KCNN3: variants seen among roughly 807,000 people sequenced by gnomAD.
KCNN3 encodes small conductance calcium-activated potassium channel protein 3.
Under a neutral mutation model 62.9 loss-of-function variants are expected in KCNN3, and 16 were observed. The ratio of observed to expected loss-of-function variants is 0.25; its 90% CI spans 0.17 to 0.39. KCNN3 has a LOEUF of 0.39. KCNN3 is among the 10% of genes least tolerant of loss of function. The pLI is 1.00. For missense variants in KCNN3, 599 were observed against 949.4 expected, an observed-to-expected ratio of 0.63 and a Z score of 4.85; for synonymous variants, 370 against 389.2, an observed-to-expected ratio of 0.95 and a Z score of 0.58.
intron 5 of KCNN3, among the ~76,000 whole-genome samples, chr1:154,718,206 C>T (rs1008062957): frequency 2.6e-5 from 4 of 152,178 alleles, no homozygotes; most frequent in African/African-American, 9.7e-5. Context: ...GAATGGAAGT[C>T]CAGCTGTCCT....
intron 5 of KCNN3, among the ~76,000 whole-genome samples, chr1:154,720,996 A>G (rs1411250677): frequency 6.6e-6 from 1 of 152,264 alleles, no homozygotes; most frequent in Admixed American, 6.5e-5. Context: ...GTCTGGAAGA[A>G]CACGATGTCA....
At chr1:154,733,685 G>C (rs1012059296) in intron 3 of KCNN3, among the ~76,000 whole-genome samples, 1 of 152,172 alleles carries the variant, frequency 6.6e-6, no homozygotes, top group Non-Finnish European at 1.5e-5. Context: ...TCTAGAGGGG[G>C]CTCTGGGGTG....
intron 2 of KCNN3, among the ~76,000 whole-genome samples, chr1:154,791,111 C>T (rs2101862579): frequency 6.6e-6 from 1 of 151,864 alleles, no homozygotes; most frequent in South Asian, 2.1e-4. Flanking sequence ...TGTCTGTAAT[C>T]CCAGCTACTA....
intron 5 of KCNN3, among the ~76,000 whole-genome samples, chr1:154,715,837 A>T (rs2101768171): frequency 6.6e-6 from 1 of 152,172 alleles, no homozygotes; most frequent in East Asian, 1.9e-4. Context: ...GAGTAAACAG[A>T]TTTCCTATCA....
chr1:154,854,010 C>A (rs79449262), intron 1 of KCNN3, among the ~76,000 whole-genome samples: 2 of 151,886 alleles, frequency 1.3e-5, no homozygotes, highest in Non-Finnish European at 2.9e-5. Flanking sequence ...CCAAGGCAGG[C>A]AGATCATGAG....
chr1:154,796,536 A>AT (rs1391384406), intron 2 of KCNN3, among the ~76,000 whole-genome samples: 1 of 152,194 alleles, frequency 6.6e-6, no homozygotes, highest in Non-Finnish European at 1.5e-5. Context: ...TAAAAAAAAA[A>AT]TTTAGGTGCA....
intron 2 of KCNN3, among the ~76,000 whole-genome samples, chr1:154,800,888 T>TACAAAGA (rs61192602): frequency 0.43 from 65,769 of 151,198 alleles, 15,741 homozygotes; most frequent in East Asian, 0.71. Flanking sequence ...CTACAAAAAA[T>TACAAAGA]ACAAAGATTA....
At chr1:154,840,336 C>T (rs1001803293) in intron 1 of KCNN3, among the ~76,000 whole-genome samples, 2 of 152,084 alleles carry the variant, frequency 1.3e-5, no homozygotes, top group Non-Finnish European at 1.5e-5. Flanking sequence ...AAAGCATTTG[C>T]AAAGGTATGG....
At chr1:154,803,943 C>T (rs1650057540) in intron 2 of KCNN3, among the ~76,000 whole-genome samples, 1 of 152,248 alleles carries the variant, frequency 6.6e-6, no homozygotes, top group East Asian at 1.9e-4. Flanking sequence ...GGAACATTTT[C>T]CAATCCCTGC....
At chr1:154,733,444 G>T (rs2101793132) in intron 3 of KCNN3, among the ~76,000 whole-genome samples, 1 of 152,256 alleles carries the variant, frequency 6.6e-6, no homozygotes, top group Non-Finnish European at 1.5e-5. Flanking sequence ...GATAGCTTTG[G>T]ATGAAATCAT....
chr1:154,715,239 A>C (rs976420372), intron 5 of KCNN3, among the ~76,000 whole-genome samples: 1 of 152,178 alleles, frequency 6.6e-6, no homozygotes, highest in East Asian at 1.9e-4. Context: ...GGAGTTCGAG[A>C]CCAGCCTGGA....
intron 2 of KCNN3, among the ~76,000 whole-genome samples, chr1:154,784,902 G>A (rs1571273440): frequency 3.3e-5 from 5 of 152,182 alleles, no homozygotes; most frequent in African/African-American, 1.2e-4. Context: ...AGTTAATAAG[G>A]GGCAGACCTA....
Position 154,862,589 on chromosome 1 carries a change from C to T in KCNN3, c.933+6443G>A, listed in dbSNP as rs947501568. 7.9e-5 allele frequency among the ~76,000 whole-genome samples: 12 copies of T among 152,072 alleles called. No individual in the cohort carries two copies. Among genetic ancestry groups the T allele is most frequent in the Admixed American group, 6.5e-4 (10 of 15,270 alleles). ...ATTTTCCCTGTATTCTCCACACCTA[C>T]CCTCCTCACAACCTGCCCGGTATCA... is the stretch of plus-strand genomic sequence containing the variant. On this transcript the variant is annotated intron_variant, in intron 1 of 7. Coordinates refer to ENST00000271915, the MANE Select transcript of KCNN3 (RefSeq NM_002249.6). This position sits in a 1 kb window ranked among gnomAD's most constrained non-coding sequence, Gnocchi z 4.1.
chr1:154,808,911 G>A (rs557729866), intron 2 of KCNN3, among the ~76,000 whole-genome samples: 23 of 152,282 alleles, frequency 1.5e-4, no homozygotes, highest in African/African-American at 5.3e-4. Flanking sequence ...GTCTGCTGGC[G>A]ATCACACAGC....
chr1:154,777,453 T>C (rs1418641628), intron 2 of KCNN3, among the ~76,000 whole-genome samples: 1 of 152,130 alleles, frequency 6.6e-6, no homozygotes, highest in Non-Finnish European at 1.5e-5. Context: ...TGGAAATTCC[T>C]GTTGAAAATC....
chr1:154,803,569 A>G (rs1230915863), intron 2 of KCNN3, among the ~76,000 whole-genome samples: 1 of 152,222 alleles, frequency 6.6e-6, no homozygotes, highest in African/African-American at 2.4e-5. Context: ...TGTAGTCCCC[A>G]GGCAGACATG....
intron 1 of KCNN3, among the ~76,000 whole-genome samples, chr1:154,844,551 C>T (rs564954414): frequency 6.6e-6 from 1 of 152,374 alleles, no homozygotes; most frequent in African/African-American, 2.4e-5. Context: ...TGGGAAGTCA[C>T]TCCAGGTTCC....
chr1:154,842,875 T>C (rs1157511573), intron 1 of KCNN3, among the ~76,000 whole-genome samples: 1 of 152,138 alleles, frequency 6.6e-6, no homozygotes, highest in African/African-American at 2.4e-5. Context: ...AAGACCTCAC[T>C]TAGAGCCCCA....
chr1:154,819,196 C>T (rs957247682), intron 2 of KCNN3, among the ~76,000 whole-genome samples: 1 of 152,302 alleles, frequency 6.6e-6, no homozygotes, highest in South Asian at 2.1e-4. Context: ...TTCCTCCACT[C>T]GCAGGAAGCA....
Sources: gnomAD v4.1 joint callset for allele counts (sites outside exome capture counted in the v4.1 genomes callset) on GRCh38, gnomAD v4.1.1 for gene constraint, Gnocchi (gnomAD v3.1) non-coding constraint, MANE v1.5 for transcripts, NCBI Gene and HGNC (gene_info 2026-07-23, HGNC 2026-07-21) for gene names.